USH1G: variants seen among roughly 807,000 people sequenced by gnomAD.
The protein encoded by USH1G is USH1 protein network component sans, also known as pre-mRNA splicing regulator USH1G.
USH1G carries 27 observed loss-of-function variants against 31.9 expected under a neutral mutation model. The ratio of observed to expected loss-of-function variants is 0.85; its 90% CI spans 0.62 to 1.17. The LOEUF is 1.17. Ranked by LOEUF, USH1G falls within the 50% of genes most tolerant of loss-of-function variation. USH1G has a pLI of 0.00. For missense variants in USH1G, 674 were observed against 638.9 expected (o/e 1.05, Z -0.59); for synonymous variants, 266 against 283.2 (o/e 0.94, Z 0.61).
chr17:74,922,304 A>G (rs1392732978), intron 1 of USH1G, among the ~76,000 whole-genome samples: 1 of 144,508 alleles, frequency 6.9e-6, no homozygotes, highest in Non-Finnish European at 1.5e-5. Flanking sequence ...GGGTGACCAC[A>G]TCACAGCCTC....
At position 74,919,111 on chromosome 17, in the gene USH1G, C is replaced by T. The variant is rs2038898666; in HGVS notation, c.1382+343G>A. ...ACTTGTTCAAGGGCACAACCCAGCA[C>T]CTAGGAGGTGGGAGGGCTCAAAAAC... On this transcript the variant is annotated intron_variant, in intron 2 of 2. Coordinates refer to ENST00000614341, the MANE Select transcript of USH1G (RefSeq NM_173477.5). This position sits in a 1 kb window ranked among gnomAD's most constrained non-coding sequence, Gnocchi z 4.5. Among the ~76,000 whole-genome samples, 1 of 152,146 alleles carries T rather than the reference C, an allele frequency of 6.6e-6. No individual in the cohort carries two copies. Among genetic ancestry groups the T allele is most frequent in the African/African-American group, 2.4e-5 (1 of 41,426 alleles).
chr17:74,917,703 A>C lies in USH1G; in HGVS notation c.*370T>G. On this transcript the variant is annotated 3_prime_UTR_variant, in exon 3 of 3. Coordinates refer to ENST00000614341, the MANE Select transcript of USH1G (RefSeq NM_173477.5). Reference sequence around the variant, plus strand: ...CATCAGGGGAGGGGTGGGAGAGGCCACGGCGCCCGGGACAGGTGCACCCTC... The same window carrying C: ...CATCAGGGGAGGGGTGGGAGAGGCCCCGGCGCCCGGGACAGGTGCACCCTC... 3.0e-6 allele frequency: 1 copy of C among 333,708 alleles called. No homozygotes were observed. The highest frequency in any genetic ancestry group is 5.7e-6 in the Non-Finnish European group (1 of 174,782). The allele number at this position is 333,708 out of a possible 1,614,324, so 20.7% of individuals were successfully genotyped here. A position where few individuals can be genotyped will look rare whatever the true frequency, so the allele number is the denominator to read the frequency against.
rs1487388912 is a variant in USH1G, at chr17:74,922,934, G to A, written c.140C>T (p.Ser47Leu). ...LWAAYHGNLE[S>L]LRLIVSRGGD... is the part of the protein sequence containing the mutation. ...CCCGCGGCTCACAATGAGACGCAGC[G>A]ACTCGAGGTTGCCATGGTAGGCAGC... The change falls in exon 1 of 3, where the codon TCG (serine) becomes TTG (leucine). Residue 47 changes from serine (S) to leucine (L), a missense_variant. Ser to Leu is a moderately radical substitution (Grantham distance 145). Transcript: ENST00000614341. 1 of 1,548,242 alleles carries A rather than the reference G, an allele frequency of 6.5e-7. No individual in the cohort carries two copies. Among genetic ancestry groups the A allele is most frequent in the Non-Finnish European group, 8.7e-7 (1 of 1,143,864 alleles).
chr17:74,923,158 AGGTTGGAGGACGGGGCCG>A lies in USH1G; in HGVS notation c.-103_-86del. The A allele has an allele frequency of 7.5e-7, 1 of 1,334,216 alleles. No individual in the cohort carries two copies. Among genetic ancestry groups the A allele is most frequent in the Non-Finnish European group, 9.9e-7 (1 of 1,008,728 alleles). 82.6% of individuals were successfully genotyped at this position (1,334,216 alleles called of 1,614,324 possible). On this transcript the variant is annotated 5_prime_UTR_variant, in exon 1 of 3. Transcript: ENST00000614341. This position sits in a 1 kb window ranked among gnomAD's most constrained non-coding sequence, Gnocchi z 5.3. The stretch of plus-strand genomic sequence containing the variant: ...GCGGCGGTATTAGGGCTGAGGCATG[AGGTTGGAGGACGGGGCCG>A]GGCAGGGGCCGGGGCCGCCAGCCCC...
Position 74,919,378 on chromosome 17 carries a change from A to T in USH1G, c.1382+76T>A, listed in dbSNP as rs1314849552. ...TATCCCCCACCCCCTACTCCTGAAT[A>T]GGCAGATCTGTACCCCCTCCCCAGG... On this transcript the variant is annotated intron_variant, in intron 2 of 2. Transcript: ENST00000614341. The surrounding 1 kb of genome is among the most constrained non-coding windows in gnomAD (Gnocchi z 4.5). The T allele has an allele frequency of 7.1e-7, 1 of 1,409,728 alleles. No homozygotes were observed. The highest frequency in any genetic ancestry group is 9.4e-7 in the Non-Finnish European group (1 of 1,064,462). The allele number at this position is 1,409,728 out of a possible 1,614,324, so 87.3% of individuals were successfully genotyped here. A position where few individuals can be genotyped will look rare whatever the true frequency, so the allele number is the denominator to read the frequency against.
chr17:74,920,157 C>A lies in USH1G; in HGVS notation c.679G>T (p.Gly227Cys). ...QKKLERRKQG[G>C]EGTFKVSEDG... is the part of the protein sequence containing the mutation. ...TCGGAGACCTTGAAGGTGCCTTCGC[C>A]GCCCTGCTTGCGCCGCTCCAGCTTC... The change falls in exon 2 of 3, where the codon GGC becomes TGC. Residue 227 changes from glycine (G) to cysteine (C), a missense_variant. By Grantham distance (159) the Gly-to-Cys change is radical (BLOSUM62 -3). Transcript: ENST00000614341. The surrounding 1 kb of genome is among the most constrained non-coding windows in gnomAD (Gnocchi z 5.2). 1.2e-6 allele frequency: 2 copies of A among 1,602,074 alleles called. No homozygotes were observed. Among genetic ancestry groups the A allele is most frequent in the South Asian group, 2.2e-5 (2 of 91,076 alleles).
chr17:74,917,928 A>T lies in USH1G; in HGVS notation c.*145T>A, dbSNP rs1289258137. 9.6e-7 allele frequency: 1 copy of T among 1,038,718 alleles called. No individual in the cohort carries two copies. 64.3% of individuals were successfully genotyped at this position (1,038,718 alleles called of 1,614,324 possible). A position where few individuals can be genotyped will look rare whatever the true frequency, so the allele number is the denominator to read the frequency against. On this transcript the variant is annotated 3_prime_UTR_variant, in exon 3 of 3. Coordinates refer to ENST00000614341, the MANE Select transcript of USH1G (RefSeq NM_173477.5). ...GGCCACACCCTCAGCTTCAAGGTGC[A>T]GACAGACTTTCAAAGGAGTCGCCCC...
At position 74,919,434 on chromosome 17, in the gene USH1G, C is replaced by T. The variant is rs373882524; in HGVS notation, c.1382+20G>A. On this transcript the variant is annotated intron_variant, in intron 2 of 2. Coordinates refer to ENST00000614341, the MANE Select transcript of USH1G (RefSeq NM_173477.5). This position sits in a 1 kb window ranked among gnomAD's most constrained non-coding sequence, Gnocchi z 4.5. The stretch of plus-strand genomic sequence containing the variant: ...TCCAACTCCTGCTCCTCCATCCCCC[C>T]CGCCAGGCTGGACACTCACAGCTCT... 8 of 1,593,410 alleles carry T rather than the reference C, an allele frequency of 5.0e-6. No individual in the cohort carries two copies. The Admixed American group carries it at 5.1e-5, about 10-fold the overall frequency.
At position 74,919,831 on chromosome 17, in the gene USH1G, A is replaced by AC. The variant is rs1359109336; in HGVS notation, c.1004dup (p.Leu336SerfsTer20). ...CCCGCGGCGCTCCCACCCCATCCAG[A>AC]CCCCCATCCTCGCGGCCCAGTCCGT... is the stretch of plus-strand genomic sequence containing the variant. On this transcript the variant is annotated frameshift_variant, in exon 2 of 3. Coordinates refer to ENST00000614341, the MANE Select transcript of USH1G (RefSeq NM_173477.5). LOFTEE classifies it high-confidence loss of function. The surrounding 1 kb of genome is among the most constrained non-coding windows in gnomAD (Gnocchi z 4.5). 1.2e-5 allele frequency: 20 copies of AC among 1,612,036 alleles called. No individual in the cohort carries two copies. Among genetic ancestry groups the AC allele is most frequent in the Non-Finnish European group, 1.7e-5 (20 of 1,179,758 alleles).
In USH1G at chr17:74,920,131, C is replaced by T. The variant is rs149002004; in HGVS notation, c.705G>A (p.Glu235=). Reference sequence around the variant, plus strand: ...GCGAGCGGGCGCTCTTGCGCCCATCCTCGGAGACCTTGAAGGTGCCTTCGC... The same window carrying T: ...GCGAGCGGGCGCTCTTGCGCCCATCTTCGGAGACCTTGAAGGTGCCTTCGC... The part of the protein sequence containing the change: ...QGGEGTFKVS[E]DGRKSARSLS... The change falls in exon 2 of 3, where the codon GAG becomes GAA. Residue 235 remains glutamate, a synonymous_variant. Transcript: ENST00000614341. This position sits in a 1 kb window ranked among gnomAD's most constrained non-coding sequence, Gnocchi z 5.2. 1,735 of 1,602,758 alleles carry T rather than the reference C, an allele frequency of 1.1e-3. 2 individuals carry two copies. The highest frequency in any genetic ancestry group is 1.4e-3 in the Non-Finnish European group (1,646 of 1,179,802).
rs374565727 is a variant in USH1G at position 74,920,702 on chromosome 17, G to A, written c.165-31C>T. The A allele has an allele frequency of 9.3e-6, 15 of 1,612,352 alleles. No homozygotes were observed. The African/African-American group carries it at 1.5e-4, about 16-fold the overall frequency. The stretch of plus-strand genomic sequence containing the variant: ...GGGAAAGCATTCAGGAGGGACGAGT[G>A]ACGAGTCCTGGCTGGGGATGGAGGT... On this transcript the variant is annotated intron_variant, in intron 1 of 2. Transcript: ENST00000614341. This position sits in a 1 kb window ranked among gnomAD's most constrained non-coding sequence, Gnocchi z 5.2.
rs755288377 is a variant in USH1G, at chr17:74,920,417, A to G, written c.419T>C (p.Phe140Ser). 6.2e-7 allele frequency: 1 copy of G among 1,613,526 alleles called. No homozygotes were observed. The highest frequency in any genetic ancestry group is 8.5e-7 in the Non-Finnish European group (1 of 1,180,036). Residue 140 changes from phenylalanine to serine, a missense_variant, in exon 2 of 3, where the codon TTC becomes TCC. Transcript: ENST00000614341. The surrounding 1 kb of genome is among the most constrained non-coding windows in gnomAD (Gnocchi z 5.2). ...KLVGKLKDKA[F>S]REAERRIREC... ...GCGGATGCGCCGCTCCGCCTCGCGG[A>G]AGGCCTTGTCCTTCAGCTTACCCAC...
In USH1G at chr17:74,919,777, G is replaced by A. The variant is rs1465751271; in HGVS notation, c.1059C>T (p.Asp353=). ...TGTTGGCACTGCCCAGGCTGTCATC[G>A]TCCAGGCTGGGGGAGCTCTGCAGCC... ...RGRLQSSPSL[D]DDSLGSANSL... is the part of the protein sequence containing the mutation. The change falls in exon 2 of 3, where the codon GAC becomes GAT. Residue 353 remains aspartate, a synonymous_variant. Transcript: ENST00000614341. This position sits in a 1 kb window ranked among gnomAD's most constrained non-coding sequence, Gnocchi z 4.5. The A allele has an allele frequency of 1.9e-6, 3 of 1,612,780 alleles. No individual in the cohort carries two copies. The highest frequency in any genetic ancestry group is 2.5e-6 in the Non-Finnish European group (3 of 1,179,996).
chr17:74,919,723 C>T lies in USH1G; in HGVS notation c.1113G>A (p.Glu371=), dbSNP rs1265034359. 6.2e-7 allele frequency: 1 copy of T among 1,612,994 alleles called. No homozygotes were observed. The highest frequency in any genetic ancestry group is 8.5e-7 in the Non-Finnish European group (1 of 1,180,028). Residue 371 remains glutamate, a synonymous_variant, in exon 2 of 3, where the codon GAG becomes GAA. Coordinates refer to ENST00000614341, the MANE Select transcript of USH1G (RefSeq NM_173477.5). The surrounding 1 kb of genome is among the most constrained non-coding windows in gnomAD (Gnocchi z 4.5). ...NSLQDRSCGE[E]LPWDELDLGL... ...CTAAATCGAGCTCATCCCAGGGCAGCTCCTCCCCACAGCTGCGGTCCTGCA... is the reference window on the plus strand; with the variant it reads ...CTAAATCGAGCTCATCCCAGGGCAGTTCCTCCCCACAGCTGCGGTCCTGCA...
At position 74,920,178 on chromosome 17, in the gene USH1G, GCTT is replaced by G. The variant is rs762274233; in HGVS notation, c.655_657del (p.Lys219del). The G allele has an allele frequency of 1.2e-5, 20 of 1,602,092 alleles. No individual in the cohort carries two copies. Among genetic ancestry groups the G allele is most frequent in the Admixed American group, 1.7e-5 (1 of 60,004 alleles). On this transcript the variant is annotated inframe_deletion, in exon 2 of 3. Transcript: ENST00000614341. This position sits in a 1 kb window ranked among gnomAD's most constrained non-coding sequence, Gnocchi z 5.2. ...TCGCCGCCCTGCTTGCGCCGCTCCAGCTTCTTCTGCATCTTGGTCTTGCCCCTG... is the reference window on the plus strand; with the variant it reads ...TCGCCGCCCTGCTTGCGCCGCTCCAGCTTCTGCATCTTGGTCTTGCCCCTG...
At position 74,919,751 on chromosome 17, in the gene USH1G, C is replaced by A. The variant is rs148479646; in HGVS notation, c.1085G>T (p.Ser362Ile). Reference protein sequence around the residue: ...LDDDSLGSANSLQDRSCGEEL... With the variant: ...LDDDSLGSANILQDRSCGEEL... Reference sequence around the variant, plus strand: ...CTCCCCACAGCTGCGGTCCTGCAGGCTGTTGGCACTGCCCAGGCTGTCATC... The same window carrying A: ...CTCCCCACAGCTGCGGTCCTGCAGGATGTTGGCACTGCCCAGGCTGTCATC... Residue 362 changes from serine to isoleucine, a missense_variant, in exon 2 of 3, where the codon AGC becomes ATC. Physicochemically the swap from Ser to Ile is moderately radical, Grantham distance 142 (BLOSUM62 -2). Coordinates refer to ENST00000614341, the MANE Select transcript of USH1G (RefSeq NM_173477.5). The surrounding 1 kb of genome is among the most constrained non-coding windows in gnomAD (Gnocchi z 4.5). 1.3e-5 allele frequency: 21 copies of A among 1,612,838 alleles called. No individual in the cohort carries two copies. The highest frequency in any genetic ancestry group is 1.8e-5 in the Non-Finnish European group (21 of 1,180,012).
chr17:74,917,730 C>A lies in USH1G; in HGVS notation c.*343G>T. ...GGCGCCCGGGACAGGTGCACCCTCCCGCATCCACCTCCCACACTCTCATCC... is the reference window on the plus strand; with the variant it reads ...GGCGCCCGGGACAGGTGCACCCTCCAGCATCCACCTCCCACACTCTCATCC... On this transcript the variant is annotated 3_prime_UTR_variant, in exon 3 of 3. Transcript: ENST00000614341. The A allele has an allele frequency of 2.6e-6, 1 of 387,660 alleles. No homozygotes were observed. Among genetic ancestry groups the A allele is most frequent in the Non-Finnish European group, 4.8e-6 (1 of 206,870 alleles). 24.0% of individuals were successfully genotyped at this position (387,660 alleles called of 1,614,324 possible). A position where few individuals can be genotyped will look rare whatever the true frequency, so the allele number is the denominator to read the frequency against.
rs1359045956 is a variant in USH1G at position 74,918,864 on chromosome 17, G to A, written c.1382+590C>T. Among the ~76,000 whole-genome samples, 1 of 151,194 alleles carries A rather than the reference G, an allele frequency of 6.6e-6. No homozygotes were observed. Among genetic ancestry groups the A allele is most frequent in the Non-Finnish European group, 1.5e-5 (1 of 67,944 alleles). ...TCTTGGGCAATTGAGAGGCCCTGCT[G>A]ACTGCACGCCCTGCATCCCATGGCA... On this transcript the variant is annotated intron_variant, in intron 2 of 2. Coordinates refer to ENST00000614341, the MANE Select transcript of USH1G (RefSeq NM_173477.5). This position sits in a 1 kb window ranked among gnomAD's most constrained non-coding sequence, Gnocchi z 4.1.
In USH1G at chr17:74,917,707, C is replaced by T. The variant is rs2038884687; in HGVS notation, c.*366G>A. ...AGGGGAGGGGTGGGAGAGGCCACGG[C>T]GCCCGGGACAGGTGCACCCTCCCGC... is the stretch of plus-strand genomic sequence containing the variant. On this transcript the variant is annotated 3_prime_UTR_variant, in exon 3 of 3. Coordinates refer to ENST00000614341, the MANE Select transcript of USH1G (RefSeq NM_173477.5). The T allele has an allele frequency of 3.0e-6, 1 of 337,402 alleles. No individual in the cohort carries two copies. The allele number at this position is 337,402 out of a possible 1,614,324, so 20.9% of individuals were successfully genotyped here. A position where few individuals can be genotyped will look rare whatever the true frequency, so the allele number is the denominator to read the frequency against.
Sources: gnomAD v4.1 joint callset for allele counts (sites outside exome capture counted in the v4.1 genomes callset) on GRCh38, gnomAD v4.1.1 for gene constraint, Gnocchi (gnomAD v3.1) non-coding constraint, MANE v1.5 for transcripts, NCBI Gene and HGNC (gene_info 2026-07-23, HGNC 2026-07-21) for gene names.